Variants in CLCN7 observed in about 807,000 individuals in gnomAD.
CLCN7 encodes the protein Cl-/H+ antiporter 7.
A neutral mutation model predicts 102.1 loss-of-function variants in CLCN7; 60 were observed. The observed-to-expected ratio is 0.59, with a 90% CI of 0.48 to 0.73. CLCN7 has a LOEUF of 0.73. CLCN7 is among the 30% of genes least tolerant of loss of function. The pLI is 0.00. For missense variants in CLCN7, 962 were observed against 1,125.7 expected (o/e 0.85, Z 2.08); for synonymous variants, 560 against 490.5 (o/e 1.14, Z -1.87).
chr16:1,449,210 G>A (rs1339868481), intron 18 of CLCN7, 66 bp downstream of exon 18: 1 of 1,569,656 alleles, frequency 6.4e-7, no homozygotes. Flanking sequence ...AGCCCCGCAA[G>A]GACAGCCATG....
chr16:1,455,587 T>G, intron 11 of CLCN7, 144 bp downstream of exon 11: 1 of 899,292 alleles, frequency 1.1e-6, no homozygotes. Flanking sequence ...GACCGCTGCT[T>G]TGGGCAGGAC....
At chr16:1,452,692 C>G (rs746598677) in intron 15 of CLCN7, 63 bp downstream of exon 15, 1 of 1,531,516 alleles carries the variant, frequency 6.5e-7, no homozygotes, top group Non-Finnish European at 8.8e-7. Context: ...CCTAAGCGAG[C>G]CTCCTGGAGG....
At chr16:1,466,746 A>G in intron 1 of CLCN7, 1 of 152,044 alleles carries the variant, frequency 6.6e-6, no homozygotes. Flanking sequence ...TGAGGCCAGG[A>G]GTTCGAGACC....
chr16:1,448,296 C>A, intron 21 of CLCN7, 59 bp downstream of exon 21: 1 of 1,602,388 alleles, frequency 6.2e-7, no homozygotes, highest in South Asian at 1.1e-5. Context: ...GTGTGCTTCC[C>A]ACCAATGGAC....
rs2038852973 is a variant in CLCN7, at chr16:1,457,479, CGGCCCTTCCTGG to C, written c.739-154_739-143del. On this transcript the variant is annotated intron_variant, in intron 8 of 24. Coordinates refer to ENST00000382745, the MANE Select transcript of CLCN7 (RefSeq NM_001287.6). This position sits in a 1 kb window ranked among gnomAD's most constrained non-coding sequence, Gnocchi z 5.4. ...CCGATGCTCAGAGACACGCGTGACG[CGGCCCTTCCTGG>C]AGACCAGAAGGACCGGTGCTCAGAG... The C allele has an allele frequency of 1.7e-6, 1 of 580,356 alleles. No individual in the cohort carries two copies. Among genetic ancestry groups the C allele is most frequent in the Non-Finnish European group, 3.2e-6 (1 of 315,436 alleles). The allele number at this position is 580,356 out of a possible 1,614,324, so 36.0% of individuals were successfully genotyped here.
chr16:1,451,914 G>C, intron 15 of CLCN7, 198 bp from the exon 16 acceptor site: 1 of 600,428 alleles, frequency 1.7e-6, no homozygotes. Flanking sequence ...CCATGGTCAC[G>C]GAGGGAAAGG....
In CLCN7 at chr16:1,457,144, G is replaced by T; in HGVS notation, c.822+110C>A. 9.6e-7 allele frequency: 1 copy of T among 1,047,014 alleles called. No individual in the cohort carries two copies. Among genetic ancestry groups the T allele is most frequent in the Non-Finnish European group, 1.5e-6 (1 of 674,950 alleles). The allele number at this position is 1,047,014 out of a possible 1,614,324, so 64.9% of individuals were successfully genotyped here. On this transcript the variant is annotated intron_variant, in intron 9 of 24. Coordinates refer to ENST00000382745, the MANE Select transcript of CLCN7 (RefSeq NM_001287.6). The surrounding 1 kb of genome is among the most constrained non-coding windows in gnomAD (Gnocchi z 5.4). ...GCCACCCGCCAGGCTGTCCTCAGAT[G>T]GGGCTGGGGCTCTCGGCCTGGGGGT... is the stretch of plus-strand genomic sequence containing the variant.
chr16:1,467,390 G>T (rs1407734656), intron 1 of CLCN7, among the ~76,000 whole-genome samples: 1 of 152,194 alleles, frequency 6.6e-6, no homozygotes, highest in Non-Finnish European at 1.5e-5. Flanking sequence ...GAAACTCACA[G>T]CTTGAGTCTC....
At position 1,448,343 on chromosome 16, in the gene CLCN7, G is replaced by C; in HGVS notation, c.2013+12C>G. On this transcript the variant is annotated intron_variant, in intron 21 of 24. Coordinates refer to ENST00000382745, the MANE Select transcript of CLCN7 (RefSeq NM_001287.6). ...CACATAGGCAGGACCCTGTCTATGG[G>C]GTGCCCGGTACCTGGGTGTCATCGG... 1 of 1,612,638 alleles carries C rather than the reference G, an allele frequency of 6.2e-7. No individual in the cohort carries two copies. Among genetic ancestry groups the C allele is most frequent in the Non-Finnish European group, 8.5e-7 (1 of 1,179,914 alleles).
chr16:1,451,550 G>T, intron 16 of CLCN7, 73 bp downstream of exon 16: 2 of 1,336,100 alleles, frequency 1.5e-6, no homozygotes, highest in Non-Finnish European at 2.1e-6. Context: ...TCAGCCCACA[G>T]GGGACACTCA....
chr16:1,460,061 G>A (rs1477326138), intron 6 of CLCN7, among the ~76,000 whole-genome samples: 1 of 152,110 alleles, frequency 6.6e-6, no homozygotes, highest in Non-Finnish European at 1.5e-5. Flanking sequence ...TGTCGTTGGG[G>A]TAGCTGCTCT....
At position 1,446,401 on chromosome 16, in the gene CLCN7, G is replaced by A. The variant is rs899177207; in HGVS notation, c.*230C>T. On this transcript the variant is annotated 3_prime_UTR_variant, in exon 25 of 25. Transcript: ENST00000382745. ...TAAAGAAACCTAGACGAGGAGAGTG[G>A]AGGCTGGGCCTGCGCAAGGAGGCGC... The A allele has an allele frequency of 4.3e-6, 3 of 702,420 alleles. No homozygotes were observed. Among genetic ancestry groups the A allele is most frequent in the Non-Finnish European group, 7.8e-6 (3 of 384,860 alleles). 43.5% of individuals were successfully genotyped at this position (702,420 alleles called of 1,614,324 possible).
At position 1,474,874 on chromosome 16, in the gene CLCN7, G is replaced by C; in HGVS notation, c.101C>G (p.Thr34Arg). 1 of 1,443,904 alleles carries C rather than the reference G, an allele frequency of 6.9e-7. No individual in the cohort carries two copies. The highest frequency in any genetic ancestry group is 9.1e-7 in the Non-Finnish European group (1 of 1,100,592). The allele number at this position is 1,443,904 out of a possible 1,614,324, so 89.4% of individuals were successfully genotyped here. A position where few individuals can be genotyped will look rare whatever the true frequency, so the allele number is the denominator to read the frequency against. Residue 34 changes from threonine (T) to arginine (R), a missense_variant, in exon 1 of 25, where the codon ACG becomes AGG. Coordinates refer to ENST00000382745, the MANE Select transcript of CLCN7 (RefSeq NM_001287.6). ...AGGCCCAGCCCCGTTCAGCAGCGGC[G>C]TCCCCCCGCCGGGCCGCGCCGTCCT... ...LRRTARPGGG[T>R]PLLNGAGPGA... is the part of the protein sequence containing the mutation.
chr16:1,469,530 AC>A (rs1410306135), intron 1 of CLCN7, among the ~76,000 whole-genome samples: 7 of 151,544 alleles, frequency 4.6e-5, no homozygotes, highest in Non-Finnish European at 8.8e-5. Context: ...TCCTAAAAAT[AC>A]AAAAATTAGC....
At position 1,446,062 on chromosome 16, in the gene CLCN7, G is replaced by T. The variant is rs1379956523; in HGVS notation, c.*569C>A. 18 of 585,364 alleles carry T rather than the reference G, an allele frequency of 3.1e-5. No individual in the cohort carries two copies. Among genetic ancestry groups the T allele is most frequent in the Middle Eastern group, 4.5e-4 (1 of 2,206 alleles). The allele number at this position is 585,364 out of a possible 1,614,324, so 36.3% of individuals were successfully genotyped here. A position where few individuals can be genotyped will look rare whatever the true frequency, so the allele number is the denominator to read the frequency against. ...CACGTGGGGCTCCTCTGTGGCGCCA[G>T]TGTGAAGCTGCTCTCCGGGGCGGTC... On this transcript the variant is annotated 3_prime_UTR_variant, in exon 25 of 25. Coordinates refer to ENST00000382745, the MANE Select transcript of CLCN7 (RefSeq NM_001287.6).
intron 1 of CLCN7, among the ~76,000 whole-genome samples, chr16:1,471,210 C>T (rs2039073299): frequency 6.6e-6 from 1 of 152,190 alleles, no homozygotes; most frequent in African/African-American, 2.4e-5. Context: ...CTGCCCTGCC[C>T]AGGGCAGCCA....
chr16:1,447,557 C>G lies in CLCN7; in HGVS notation c.2085G>C (p.Glu695Asp). Residue 695 changes from glutamate (E) to aspartate (D), a missense_variant, in exon 23 of 25, where the codon GAG becomes GAC. Physicochemically the swap from Glu to Asp is conservative, Grantham distance 45. This residue lies in a region of CLCN7 where 799 missense variants were observed against 988.0 expected (regional missense o/e 0.81). Coordinates refer to ENST00000382745, the MANE Select transcript of CLCN7 (RefSeq NM_001287.6). ...GCTGTACCAGGCCCAGGTTGGACCG[C>G]TCCACAAACACCTGCGGGCGGCAGA... ...IVLLKHKVFVERSNLGLVQRR... is the reference protein window; with the variant it reads ...IVLLKHKVFVDRSNLGLVQRR... 6.4e-7 allele frequency: 1 copy of G among 1,556,214 alleles called. No individual in the cohort carries two copies. The highest frequency in any genetic ancestry group is 8.7e-7 in the Non-Finnish European group (1 of 1,150,244).
At position 1,449,620 on chromosome 16, in the gene CLCN7, G is replaced by A. The variant is rs1454355223; in HGVS notation, c.1618-293C>T. 3 of 535,622 alleles carry A rather than the reference G, an allele frequency of 5.6e-6. No individual in the cohort carries two copies. In the African/African-American group the frequency reaches 5.7e-5, roughly 10 times the overall value. The allele number at this position is 535,622 out of a possible 1,614,324, so 33.2% of individuals were successfully genotyped here. On this transcript the variant is annotated intron_variant, in intron 17 of 24. Coordinates refer to ENST00000382745, the MANE Select transcript of CLCN7 (RefSeq NM_001287.6). Reference sequence around the variant, plus strand: ...CAGGCCAACTAGGGAGCACCGTCCAGCATGAGGAGTGAAACCCCGGCACAC... The same window carrying A: ...CAGGCCAACTAGGGAGCACCGTCCAACATGAGGAGTGAAACCCCGGCACAC...
At chr16:1,447,116 G>A (rs748450623) in intron 23 of CLCN7, 30 bp from the exon 24 acceptor site, 47 of 1,562,412 alleles carry the variant, frequency 3.0e-5, no homozygotes, top group Non-Finnish European at 3.1e-5. Flanking sequence ...GTCAGTGCCC[G>A]CCCACACAGC....
Sources: allele counts gnomAD v4.1 joint callset (sites outside exome capture counted in the v4.1 genomes callset), GRCh38; gene constraint gnomAD v4.1.1; regional missense constraint gnomAD v4.1.1; non-coding constraint Gnocchi (gnomAD v3.1); transcripts MANE v1.5; gene names NCBI Gene and HGNC (gene_info 2026-07-23, HGNC 2026-07-21).